TRRAP: variants seen among roughly 807,000 people sequenced by gnomAD.
TRRAP encodes the protein transformation/transcription domain associated protein, also known as transformation/transcription domain-associated protein.
TRRAP carries 41 observed loss-of-function variants against 438.8 expected under a neutral mutation model. The ratio of observed to expected loss-of-function variants is 0.09; its 90% confidence interval spans 0.07 to 0.12. TRRAP has a LOEUF of 0.12. Ranked by LOEUF, TRRAP falls within the 10% of genes least tolerant of loss-of-function variation. The pLI is 1.00. For synonymous variants in TRRAP, 1,994 were observed against 1,962.9 expected (o/e 1.02, Z -0.42); for missense variants, 3,122 against 5,055.1 (o/e 0.62, Z 11.60).
At position 98,961,340 on chromosome 7, in the gene TRRAP, C is replaced by G. The variant is rs867591253; in HGVS notation, c.6569C>G (p.Ser2190Cys). The change falls in exon 46 of 73, where the codon TCC (serine) becomes TGC (cysteine). Residue 2190 changes from serine to cysteine, a missense_variant. Ser to Cys is a moderately radical substitution (Grantham distance 112). Around this residue, in one of 24 missense-constraint regions of TRRAP, gnomAD observed 992 missense variants for 1,281.2 expected, o/e 0.77. Transcript: ENST00000456197. ...VLSFLLTVLQ[S>C]PAILSSFKPL... ...AGCTTCCTGCTAACTGTCCTCCAGT[C>G]CCCAGCCATCCTCAGTAGCTTCAAA... is the stretch of plus-strand genomic sequence containing the variant. 1.9e-6 allele frequency: 3 copies of G among 1,614,076 alleles called. No homozygotes were observed. The highest frequency in any genetic ancestry group is 2.5e-6 in the Non-Finnish European group (3 of 1,180,044).
At chr7:98,917,830 A>ATG in intron 20 of TRRAP, 151 bp downstream of exon 20, 1 of 1,199,982 alleles carries the variant, frequency 8.3e-7, no homozygotes, top group South Asian at 1.6e-5. Context: ...GGATTGAAAT[A>ATG]TGTAAAGAAG....
chr7:98,912,764 G>T (rs569721231), intron 18 of TRRAP, among the ~76,000 whole-genome samples: 1 of 152,004 alleles, frequency 6.6e-6, no homozygotes, highest in Non-Finnish European at 1.5e-5. Context: ...TGACAGTGCC[G>T]ATTGTTACCA....
At chr7:98,919,506 G>GT (rs1282487762) in intron 20 of TRRAP, among the ~76,000 whole-genome samples, 2 of 152,186 alleles carry the variant, frequency 1.3e-5, no homozygotes, top group African/African-American at 4.8e-5. Context: ...CGAGTTTGAG[G>GT]TGGAAGAATC....
At chr7:99,009,556 C>T (rs1207623477) in intron 70 of TRRAP, among the ~76,000 whole-genome samples, 1 of 152,202 alleles carries the variant, frequency 6.6e-6, no homozygotes, top group Non-Finnish European at 1.5e-5. Context: ...GGAATTGACA[C>T]CAGGGCTTTT....
At chr7:98,898,806 T>G (rs1796340561) in intron 8 of TRRAP, among the ~76,000 whole-genome samples, 1 of 152,246 alleles carries the variant, frequency 6.6e-6, no homozygotes, top group African/African-American at 2.4e-5. Context: ...GTCATAGGCA[T>G]TCATTTTAAA....
At chr7:98,982,083 T>C (rs1792956390) in intron 59 of TRRAP, 123 bp downstream of exon 59, 2 of 1,007,020 alleles carry the variant, frequency 2.0e-6, no homozygotes, top group Non-Finnish European at 2.7e-6. Context: ...GCTTGTCTTG[T>C]CCTCTCCCAC....
Position 99,004,263 on chromosome 7 carries a change from C to T in TRRAP, c.10383C>T (p.Ile3461=), listed in dbSNP as rs1164395553. Residue 3461 remains isoleucine, a synonymous_variant, in exon 68 of 73, where the codon ATC becomes ATT. Transcript: ENST00000456197. The part of the protein sequence containing the change: ...LISKLKKWIK[I]LEAKTKQLPK... ...CTAAGTTGAAAAAGTGGATCAAAAT[C>T]TTGGAGGCCAAGACCAAGCAACTCC... The T allele has an allele frequency of 2.5e-6, 4 of 1,614,084 alleles. No individual in the cohort carries two copies. Among genetic ancestry groups the T allele is most frequent in the Non-Finnish European group, 2.5e-6 (3 of 1,180,056 alleles).
chr7:98,954,471 T>TCC (rs1554419013), intron 40 of TRRAP, among the ~76,000 whole-genome samples: 1 of 152,182 alleles, frequency 6.6e-6, no homozygotes, highest in African/African-American at 2.4e-5. Flanking sequence ...GTCTCTCACA[T>TCC]CCCCTCCCAT....
At position 98,984,929 on chromosome 7, in the gene TRRAP, A is replaced by AT. The variant is rs747257131; in HGVS notation, c.9289-7dup. On this transcript the variant is annotated splice_polypyrimidine_tract_variant and intron_variant, in intron 61 of 72. Coordinates refer to ENST00000456197, the MANE Select transcript of TRRAP (RefSeq NM_001375524.1). ...AATTTCAAGAACTTTTTTTCTGCTCATTTTTTTTGAACAGGGCCTTGAAGT... is the reference window on the plus strand; with the variant it reads ...AATTTCAAGAACTTTTTTTCTGCTCATTTTTTTTTGAACAGGGCCTTGAAGT... The AT allele has an allele frequency of 1.1e-4, 171 of 1,558,634 alleles. No individual in the cohort carries two copies. Among genetic ancestry groups the AT allele is most frequent in the Non-Finnish European group, 1.4e-4 (160 of 1,144,882 alleles).
intron 8 of TRRAP, among the ~76,000 whole-genome samples, chr7:98,898,739 CTT>C (rs1796338114): frequency 6.6e-6 from 1 of 152,128 alleles, no homozygotes; most frequent in Admixed American, 6.6e-5. Context: ...TTATAAATAT[CTT>C]TGAATAAAAC....
At chr7:98,922,040 C>T in intron 21 of TRRAP, 87 bp downstream of exon 21, 1 of 1,541,134 alleles carries the variant, frequency 6.5e-7, no homozygotes, top group Non-Finnish European at 8.9e-7. Flanking sequence ...AGACCTGTGT[C>T]TTAGGCAATC....
rs1793560226 is a variant in TRRAP, at chr7:98,994,406, T to A, written c.10048-181T>A. 6.6e-6 allele frequency among the ~76,000 whole-genome samples: 1 copy of A among 152,214 alleles called. No individual in the cohort carries two copies. The highest frequency in any genetic ancestry group is 6.5e-5 in the Admixed American group (1 of 15,280). Reference sequence around the variant, plus strand: ...AAGGTCAAAAGCGCCTGCTCCCATGTGGCATGCACAGGCGTCCCGTTTCTT... The same window carrying A: ...AAGGTCAAAAGCGCCTGCTCCCATGAGGCATGCACAGGCGTCCCGTTTCTT... On this transcript the variant is annotated intron_variant, in intron 66 of 72. Coordinates refer to ENST00000456197, the MANE Select transcript of TRRAP (RefSeq NM_001375524.1). The surrounding 1 kb of genome is among the most constrained non-coding windows in gnomAD (Gnocchi z 4.8).
chr7:99,002,452 G>A (rs1256615193), intron 67 of TRRAP, among the ~76,000 whole-genome samples: 2 of 152,204 alleles, frequency 1.3e-5, no homozygotes, highest in South Asian at 2.1e-4. Context: ...GCATCCTGTT[G>A]TGAATCTCTA....
At chr7:98,997,770 A>G (rs576748387) in intron 67 of TRRAP, among the ~76,000 whole-genome samples, 2 of 152,320 alleles carry the variant, frequency 1.3e-5, no homozygotes, top group East Asian at 3.9e-4. Context: ...AGCAAAGACA[A>G]GTCACCTTAA....
intron 49 of TRRAP, among the ~76,000 whole-genome samples, chr7:98,966,165 G>A (rs1792144020): frequency 6.6e-6 from 1 of 151,476 alleles, no homozygotes; most frequent in Non-Finnish European, 1.5e-5. Context: ...AATTAGCCAG[G>A]CATGGTGGCG....
Position 98,956,682 on chromosome 7 carries a change from A to G in TRRAP, c.6231+149A>G, listed in dbSNP as rs1489910405. 4.5e-6 allele frequency: 6 copies of G among 1,341,790 alleles called. No individual in the cohort carries two copies. The highest frequency in any genetic ancestry group is 2.6e-5 in the Admixed American group (1 of 38,620). 83.1% of individuals were successfully genotyped at this position (1,341,790 alleles called of 1,614,324 possible). ...ACGGTCACCAGATTGAAACTCCAGG[A>G]CATGTCACTCATGCAAGGGGTTCCC... On this transcript the variant is annotated intron_variant, in intron 43 of 72. Coordinates refer to ENST00000456197, the MANE Select transcript of TRRAP (RefSeq NM_001375524.1). The surrounding 1 kb of genome is among the most constrained non-coding windows in gnomAD (Gnocchi z 4.5).
chr7:98,919,577 G>C (rs1323924936), intron 20 of TRRAP, among the ~76,000 whole-genome samples: 2 of 152,172 alleles, frequency 1.3e-5, no homozygotes, highest in Admixed American at 6.5e-5. Flanking sequence ...ACTGCAAGCT[G>C]AGTGACAGAA....
chr7:98,961,936 T>G (rs1288261003), intron 46 of TRRAP, among the ~76,000 whole-genome samples: 1 of 152,200 alleles, frequency 6.6e-6, no homozygotes, highest in African/African-American at 2.4e-5. Flanking sequence ...AAGCATAGAA[T>G]GGCAGCTCTC....
At chr7:98,918,227 CTTTTTTT>C (rs71118647) in intron 20 of TRRAP, among the ~76,000 whole-genome samples, 1 of 83,204 alleles carries the variant, frequency 1.2e-5, no homozygotes, top group Non-Finnish European at 2.5e-5. Context: ...GGGTTATATT[CTTTTTTT>C]TTTTTTTTTT....
Sources: allele counts gnomAD v4.1 joint callset (sites outside exome capture counted in the v4.1 genomes callset), GRCh38; gene constraint gnomAD v4.1.1; regional missense constraint gnomAD v4.1.1; non-coding constraint Gnocchi (gnomAD v3.1); transcripts MANE v1.5; gene names NCBI Gene and HGNC (gene_info 2026-07-23, HGNC 2026-07-21).